CDK8: variants seen among roughly 807,000 people sequenced by gnomAD.
The protein encoded by CDK8 is cyclin dependent kinase 8.
Under a neutral mutation model 71.5 loss-of-function variants are expected in CDK8, and 29 were observed. The observed-to-expected ratio is 0.41, with a 90% CI of 0.30 to 0.55. CDK8 has a LOEUF of 0.55. Ranked by LOEUF, CDK8 falls within the 20% of genes least tolerant of loss-of-function variation. The probability of loss-of-function intolerance (pLI) is 0.37; values close to 1 mark genes in which losing one functional copy is unlikely to be tolerated. For missense variants in CDK8, 288 were observed against 572.6 expected, an observed-to-expected ratio of 0.50 and a Z score of 5.07; for synonymous variants, 161 against 192.1, an observed-to-expected ratio of 0.84 and a Z score of 1.34.
At chr13:26,369,777 C>T (rs1391366182) in intron 4 of CDK8, among the ~76,000 whole-genome samples, 1 of 141,122 alleles carries the variant, frequency 7.1e-6, no homozygotes, top group Non-Finnish European at 1.5e-5. Context: ...AGGATGGTCT[C>T]GATCTCCTGA....
chr13:26,367,523 C>T (rs1225222646), intron 4 of CDK8, among the ~76,000 whole-genome samples: 1 of 152,046 alleles, frequency 6.6e-6, no homozygotes, highest in African/African-American at 2.4e-5. Context: ...TCACTTTTCT[C>T]AGCTATAAAA....
intron 4 of CDK8, among the ~76,000 whole-genome samples, chr13:26,378,893 A>G (rs141777690): frequency 6.6e-6 from 1 of 152,230 alleles, no homozygotes; most frequent in Non-Finnish European, 1.5e-5. Context: ...GGGCGAGTAG[A>G]ATATTGTTTC....
At chr13:26,373,887 A>C (rs1341742382) in intron 4 of CDK8, among the ~76,000 whole-genome samples, 2 of 151,880 alleles carry the variant, frequency 1.3e-5, no homozygotes, top group Non-Finnish European at 2.9e-5. Context: ...AGTGTTAAAA[A>C]ATTTCATGAA....
intron 1 of CDK8, among the ~76,000 whole-genome samples, chr13:26,298,384 G>A (rs1315605490): frequency 6.6e-6 from 1 of 152,096 alleles, no homozygotes; most frequent in Non-Finnish European, 1.5e-5. Flanking sequence ...CTCTACCTTT[G>A]CTCATATTAG....
chr13:26,392,148 A>C (rs1381966574), intron 6 of CDK8, among the ~76,000 whole-genome samples: 4 of 152,310 alleles, frequency 2.6e-5, no homozygotes, highest in African/African-American at 9.6e-5. Flanking sequence ...AAATATTTTC[A>C]GCTTTAAATT....
chr13:26,333,193 G>A (rs1872832428), intron 1 of CDK8, among the ~76,000 whole-genome samples: 1 of 151,496 alleles, frequency 6.6e-6, no homozygotes, highest in Admixed American at 6.6e-5. Flanking sequence ...AGGCTGGAGT[G>A]CAATGGCGCA....
chr13:26,333,480 G>C (rs2137966900), intron 1 of CDK8, among the ~76,000 whole-genome samples: 1 of 152,214 alleles, frequency 6.6e-6, no homozygotes, highest in African/African-American at 2.4e-5. Context: ...TTAAGTGTAA[G>C]AAAATAATTA....
At chr13:26,345,707 T>C (rs1873436560) in intron 2 of CDK8, among the ~76,000 whole-genome samples, 1 of 152,176 alleles carries the variant, frequency 6.6e-6, no homozygotes, top group African/African-American at 2.4e-5. Context: ...TTTTAGTAAA[T>C]TTTAGTAAAA....
At chr13:26,386,117 G>A (rs1216855974) in intron 6 of CDK8, among the ~76,000 whole-genome samples, 1 of 152,106 alleles carries the variant, frequency 6.6e-6, no homozygotes, top group East Asian at 1.9e-4. Context: ...TAAAGAATGA[G>A]GAAATTAGTG....
At chr13:26,397,825 A>G (rs1436790821) in intron 9 of CDK8, among the ~76,000 whole-genome samples, 6 of 152,198 alleles carry the variant, frequency 3.9e-5, no homozygotes, top group Admixed American at 3.9e-4. Flanking sequence ...GCCATTACCA[A>G]CTTTGTTTAC....
chr13:26,299,271 A>G (rs1432842539), intron 1 of CDK8, among the ~76,000 whole-genome samples: 3 of 152,204 alleles, frequency 2.0e-5, no homozygotes, highest in African/African-American at 7.2e-5. Flanking sequence ...TCTCAGTTTT[A>G]TATATACAGT....
intron 10 of CDK8, 72 bp downstream of exon 10, chr13:26,400,622 T>C: frequency 1.1e-6 from 1 of 901,192 alleles, no homozygotes; most frequent in South Asian, 1.3e-5. Flanking sequence ...GCTTGTCAGC[T>C]CTTAAGTTGC....
chr13:26,264,156 A>C (rs563016880), intron 1 of CDK8, among the ~76,000 whole-genome samples: 1 of 152,344 alleles, frequency 6.6e-6, no homozygotes, highest in Admixed American at 6.5e-5. Context: ...AAAGCAAGAC[A>C]TACTTGTAAT....
intron 2 of CDK8, among the ~76,000 whole-genome samples, chr13:26,338,949 GTTTA>G (rs953120046): frequency 7.3e-6 from 1 of 137,146 alleles, no homozygotes; most frequent in Non-Finnish European, 1.6e-5. Flanking sequence ...CTTTTCTCTT[GTTTA>G]TTAGTCTTTA....
At chr13:26,341,639 A>G (rs1279960448) in intron 2 of CDK8, among the ~76,000 whole-genome samples, 2 of 152,170 alleles carry the variant, frequency 1.3e-5, no homozygotes, top group African/African-American at 2.4e-5. Flanking sequence ...AGTTTTGTGA[A>G]TATTAGGCTT....
rs534387981 is a variant in CDK8 at position 26,256,244 on chromosome 13, G to C, written c.128+1475G>C. On this transcript the variant is annotated intron_variant, in intron 1 of 12. Coordinates refer to ENST00000381527, the MANE Select transcript of CDK8 (RefSeq NM_001260.3). ...AGCGTCTGGAGATATTGCTGACTCTGTTGTTGTCTAATTAGACTTATTGTT... is the reference window on the plus strand; with the variant it reads ...AGCGTCTGGAGATATTGCTGACTCTCTTGTTGTCTAATTAGACTTATTGTT... Among the ~76,000 whole-genome samples the C allele has an allele frequency of 3.7e-4, 56 of 152,294 alleles. 1 individual carries two copies. The South Asian group carries it at 0.011, about 30-fold the overall frequency.
chr13:26,380,934 T>C (rs1420405081), intron 4 of CDK8, among the ~76,000 whole-genome samples: 1 of 152,214 alleles, frequency 6.6e-6, no homozygotes, highest in Non-Finnish European at 1.5e-5. Context: ...AATCTATATA[T>C]CATTTTGTGT....
chr13:26,304,223 C>T (rs557072204), intron 1 of CDK8, among the ~76,000 whole-genome samples: 82 of 151,202 alleles, frequency 5.4e-4, no homozygotes, highest in Non-Finnish European at 6.2e-4. Context: ...GAGATTGCGC[C>T]GCTACACTCC....
intron 1 of CDK8, among the ~76,000 whole-genome samples, chr13:26,335,910 T>C (rs1593271221): frequency 1.7e-5 from 2 of 114,756 alleles, no homozygotes; most frequent in South Asian, 6.7e-4. Context: ...ATAATTGATA[T>C]TCTCTTGCTT....
Sources: allele counts gnomAD v4.1 joint callset (sites outside exome capture counted in the v4.1 genomes callset), GRCh38; gene constraint gnomAD v4.1.1; transcripts MANE v1.5; gene names NCBI Gene and HGNC (gene_info 2026-07-23, HGNC 2026-07-21).